Variants in HFM1 observed in about 807,000 individuals in gnomAD.
The protein encoded by HFM1 is probable ATP-dependent DNA helicase HFM1.
In HFM1, 169 loss-of-function variants were observed where a neutral mutation model predicts 192.1. The observed-to-expected ratio is 0.88, with a 90% CI of 0.78 to 1.00. HFM1 has a LOEUF of 1.00. Among genes scored for constraint, HFM1 ranks in the 50% least tolerant of loss-of-function variants. HFM1 has a pLI of 0.00. For missense variants in HFM1, 1,661 were observed against 1,668.0 expected (o/e 1.00, Z 0.07); for synonymous variants, 525 against 537.8 (o/e 0.98, Z 0.33).
chr1:91,277,804 A>G (rs1050907046), intron 30 of HFM1, among the ~76,000 whole-genome samples: 4 of 125,584 alleles, frequency 3.2e-5, no homozygotes, highest in East Asian at 4.1e-4. Context: ...TATAATATAT[A>G]CTAATATATA....
In HFM1 at chr1:91,375,520, T is replaced by C; in HGVS notation, c.1596+7A>G. The C allele has an allele frequency of 1.9e-6, 3 of 1,611,966 alleles. No homozygotes were observed. The South Asian group carries it at 3.3e-5, about 18-fold the overall frequency. On this transcript the variant is annotated splice_region_variant and intron_variant, in intron 12 of 38. Transcript: ENST00000370425. ...ATACTAAAAAATAAGCTATCAACAA[T>C]CCATACCACAAGTGTGGGTTTCTGA...
chr1:91,364,623 TATA>T (rs1471889905), intron 13 of HFM1, among the ~76,000 whole-genome samples: 4 of 38,068 alleles, frequency 1.1e-4, no homozygotes, highest in African/African-American at 3.4e-4. Flanking sequence ...TATATATATA[TATA>T]TATATATTTT....
chr1:91,329,363 T>C (rs1653458217), intron 20 of HFM1: 5 of 1,596,394 alleles, frequency 3.1e-6, no homozygotes, highest in Non-Finnish European at 4.3e-6. Context: ...AGAGGCTGAG[T>C]AAGAGTCATT....
At chr1:91,337,029 ATGAGAACACGTGGACGCG>A (rs1654680046) in intron 20 of HFM1, among the ~76,000 whole-genome samples, 3 of 152,182 alleles carry the variant, frequency 2.0e-5, no homozygotes, top group Admixed American at 2.0e-4. Context: ...GAGCTGAACA[ATGAGAACACGTGGACGCG>A]TTGTGGGGAA....
rs557414682 is a variant in HFM1, at chr1:91,377,973, A to C, written c.1395+52T>G. On this transcript the variant is annotated intron_variant, in intron 11 of 38. Coordinates refer to ENST00000370425, the MANE Select transcript of HFM1 (RefSeq NM_001017975.6). ...TTTTCTCTATGATCAAGATGACTAAATATTTCACAAGTCATAAAAAACCTA... is the reference window on the plus strand; with the variant it reads ...TTTTCTCTATGATCAAGATGACTAACTATTTCACAAGTCATAAAAAACCTA... The C allele has an allele frequency of 3.3e-6, 5 of 1,496,686 alleles. No individual in the cohort carries two copies. The South Asian group carries it at 5.9e-5, about 18-fold the overall frequency. The allele number at this position is 1,496,686 out of a possible 1,614,324, so 92.7% of individuals were successfully genotyped here.
At chr1:91,329,655 G>C in intron 20 of HFM1, 1 of 624,760 alleles carries the variant, frequency 1.6e-6, no homozygotes, top group Non-Finnish European at 2.8e-6. Context: ...TTTCAGTAGT[G>C]CTAGTCCCTT....
chr1:91,323,163 TATCTAGAA>T lies in HFM1; in HGVS notation c.2456_2463del (p.Phe819TyrfsTer7). 6.3e-7 allele frequency: 1 copy of T among 1,591,162 alleles called. No individual in the cohort carries two copies. Among genetic ancestry groups the T allele is most frequent in the Non-Finnish European group, 8.6e-7 (1 of 1,162,788 alleles). On this transcript the variant is annotated frameshift_variant, in exon 22 of 39. Transcript: ENST00000370425. LOFTEE classifies it high-confidence loss of function. ...TTCTTTTCATTTATCCTTAACTGTATATCTAGAAATTCCTTGCAGCCAGCTATCAATGT... is the reference window on the plus strand; with the variant it reads ...TTCTTTTCATTTATCCTTAACTGTATATTCCTTGCAGCCAGCTATCAATGT...
At position 91,323,161 on chromosome 1, in the gene HFM1, T is replaced by C. The variant is rs758269920; in HGVS notation, c.2466A>G (p.Ile822Met). 7 of 1,592,050 alleles carry C rather than the reference T, an allele frequency of 4.4e-6. No homozygotes were observed. The highest frequency in any genetic ancestry group is 1.1e-5 in the South Asian group (1 of 89,010). ...TTTTCTTTTCATTTATCCTTAACTGTATATCTAGAAATTCCTTGCAGCCAG... is the reference window on the plus strand; with the variant it reads ...TTTTCTTTTCATTTATCCTTAACTGCATATCTAGAAATTCCTTGCAGCCAG... ...LIAGCKEFLD[I>M]QLRINEKKTL... Residue 822 changes from isoleucine to methionine, a missense_variant, in exon 22 of 39, where the codon ATA (isoleucine) becomes ATG (methionine). Coordinates refer to ENST00000370425, the MANE Select transcript of HFM1 (RefSeq NM_001017975.6).
At chr1:91,290,707 G>A in intron 30 of HFM1, among the ~76,000 whole-genome samples, 1 of 152,080 alleles carries the variant, frequency 6.6e-6, no homozygotes, top group Admixed American at 6.6e-5. Flanking sequence ...GGACCTAATA[G>A]ACATCTACAG....
intron 13 of HFM1, among the ~76,000 whole-genome samples, chr1:91,371,626 A>T (rs1162771678): frequency 7.3e-6 from 1 of 136,766 alleles, no homozygotes; most frequent in East Asian, 2.0e-4. Flanking sequence ...TTAGACCTAA[A>T]ACCATAAAAA....
chr1:91,353,206 C>A (rs769405681), intron 14 of HFM1, 50 bp downstream of exon 14: 7 of 1,553,078 alleles, frequency 4.5e-6, no homozygotes, highest in Non-Finnish European at 6.2e-6. Context: ...ATAATTGGCA[C>A]CTTTCATCTA....
intron 13 of HFM1, among the ~76,000 whole-genome samples, chr1:91,374,691 G>A (rs1321577634): frequency 6.6e-6 from 1 of 152,124 alleles, no homozygotes; most frequent in Non-Finnish European, 1.5e-5. Flanking sequence ...GTTCTATTTG[G>A]TACATAGTGA....
intron 30 of HFM1, among the ~76,000 whole-genome samples, chr1:91,293,001 T>C (rs1668960192): frequency 6.6e-6 from 1 of 152,190 alleles, no homozygotes; most frequent in Non-Finnish European, 1.5e-5. Context: ...GCTAGCCATA[T>C]GTAGAAAGCT....
At chr1:91,359,902 T>G (rs1447445129) in intron 13 of HFM1, among the ~76,000 whole-genome samples, 2 of 152,148 alleles carry the variant, frequency 1.3e-5, no homozygotes, top group African/African-American at 4.8e-5. Context: ...GGGAAACTCA[T>G]CAAACTAACA....
At chr1:91,383,748 GT>G (rs1281461911) in intron 6 of HFM1, among the ~76,000 whole-genome samples, 2 of 152,108 alleles carry the variant, frequency 1.3e-5, no homozygotes, top group Admixed American at 1.3e-4. Flanking sequence ...CTAAAGCATA[GT>G]TTAAATGATA....
At chr1:91,365,241 T>C (rs762446923) in intron 13 of HFM1, among the ~76,000 whole-genome samples, 24 of 152,078 alleles carry the variant, frequency 1.6e-4, no homozygotes, top group Non-Finnish European at 3.1e-4. Context: ...GGTCAAAGGA[T>C]ATACAGAAAA....
intron 19 of HFM1, among the ~76,000 whole-genome samples, chr1:91,344,186 A>T (rs1408709328): frequency 6.6e-6 from 1 of 152,182 alleles, no homozygotes; most frequent in Non-Finnish European, 1.5e-5. Flanking sequence ...GAGCAATTGT[A>T]GTAATCTGCT....
intron 19 of HFM1, among the ~76,000 whole-genome samples, chr1:91,345,578 G>A (rs1656024275): frequency 6.6e-6 from 1 of 152,186 alleles, no homozygotes; most frequent in Non-Finnish European, 1.5e-5. Context: ...TTAAGGCAGA[G>A]CTCCAAGGAT....
At chr1:91,404,944 T>C (rs1042334348), upstream of HFM1, 1 of 449,258 alleles carries the variant, frequency 2.2e-6, no homozygotes, top group Non-Finnish European at 4.5e-6. Context: ...CGAAAGTTTA[T>C]AACTGGTTTT....
Sources: gnomAD v4.1 joint callset for allele counts (sites outside exome capture counted in the v4.1 genomes callset) on GRCh38, gnomAD v4.1.1 for gene constraint, MANE v1.5 for transcripts, NCBI Gene and HGNC (gene_info 2026-07-23, HGNC 2026-07-21) for gene names.